CRNN: variants seen among roughly 807,000 people sequenced by gnomAD.
CRNN encodes the protein cornulin.
A neutral mutation model predicts 44.7 loss-of-function variants in CRNN; 39 were observed. The observed-to-expected ratio is 0.87, with a 90% CI of 0.68 to 1.14. The LOEUF (loss-of-function observed/expected upper bound fraction) is 1.14, where lower values mean the gene tolerates loss of function less well. Ranked by LOEUF, CRNN falls within the 50% of genes most tolerant of loss-of-function variation. CRNN has a pLI of 0.00. For synonymous variants in CRNN, 240 were observed against 231.8 expected, an observed-to-expected ratio of 1.04 and a Z score of -0.32; for missense variants, 606 against 605.1, an observed-to-expected ratio of 1.00 and a Z score of -0.02.
chr1:152,413,544 A>G (rs1655829949), intron 1 of CRNN, among the ~76,000 whole-genome samples: 1 of 152,254 alleles, frequency 6.6e-6, no homozygotes, highest in African/African-American at 2.4e-5. Context: ...TCAGTAAGTC[A>G]TAGCAAAAGG....
chr1:152,411,367 G>A (rs1369127818), intron 2 of CRNN, among the ~76,000 whole-genome samples: 1 of 152,134 alleles, frequency 6.6e-6, no homozygotes, highest in Non-Finnish European at 1.5e-5. Flanking sequence ...AATTCTGTGC[G>A]CTCCTCATTG....
Position 152,409,466 on chromosome 1 carries a change from G to A in CRNN, c.*128C>T, listed in dbSNP as rs1655679168. ...TTGCAGAAATTATCTCATTGAGAAA[G>A]ACCTAAAAGGGAAGCTGCATAATGA... On this transcript the variant is annotated 3_prime_UTR_variant, in exon 3 of 3. Coordinates refer to ENST00000271835, the MANE Select transcript of CRNN (RefSeq NM_016190.3). The A allele has an allele frequency of 6.8e-7, 1 of 1,465,790 alleles. No homozygotes were observed. Among genetic ancestry groups the A allele is most frequent in the African/African-American group, 1.4e-5 (1 of 70,810 alleles). The allele number at this position is 1,465,790 out of a possible 1,614,324, so 90.8% of individuals were successfully genotyped here.
intron 1 of CRNN, among the ~76,000 whole-genome samples, chr1:152,413,609 A>G (rs1655830768): frequency 6.6e-6 from 1 of 152,236 alleles, no homozygotes; most frequent in Non-Finnish European, 1.5e-5. Flanking sequence ...ATTTCAGGCA[A>G]ACTTTTCATC....
chr1:152,412,898 G>A (rs1253320193), intron 1 of CRNN, among the ~76,000 whole-genome samples: 6 of 152,058 alleles, frequency 3.9e-5, no homozygotes, highest in South Asian at 2.1e-4. Flanking sequence ...GGGTGTTAGG[G>A]TCCCATCGGG....
In CRNN at chr1:152,409,560, C is replaced by T. The variant is rs1351301528; in HGVS notation, c.*34G>A. 1 of 1,577,716 alleles carries T rather than the reference C, an allele frequency of 6.3e-7. No individual in the cohort carries two copies. The highest frequency in any genetic ancestry group is 1.3e-5 in the African/African-American group (1 of 74,598). On this transcript the variant is annotated 3_prime_UTR_variant, in exon 3 of 3. Transcript: ENST00000271835. ...GACAAGCCAAACTCTCTCCAGCTGT[C>T]TTCTTCCAGTACTGGACATTGGAGT... is the stretch of plus-strand genomic sequence containing the variant.
intron 1 of CRNN, 24 bp from the exon 2 acceptor site, chr1:152,412,270 T>G: frequency 6.3e-7 from 1 of 1,590,178 alleles, no homozygotes; most frequent in Non-Finnish European, 8.6e-7. Context: ...AAAGTTCCCT[T>G]GGAGGCTCCA....
intron 2 of CRNN, 127 bp from the exon 3 acceptor site, chr1:152,411,070 A>T: frequency 7.1e-7 from 1 of 1,410,288 alleles, no homozygotes; most frequent in Non-Finnish European, 9.2e-7. Flanking sequence ...CTAGAGCAGC[A>T]GCAAGACTTA....
rs753763068 is a variant in CRNN, at chr1:152,410,137, G to A, written c.945C>T (p.Thr315=). 1 of 1,601,680 alleles carries A rather than the reference G, an allele frequency of 6.2e-7. No homozygotes were observed. Among genetic ancestry groups the A allele is most frequent in the Non-Finnish European group, 8.5e-7 (1 of 1,176,224 alleles). Residue 315 remains threonine (T), a synonymous_variant, in exon 3 of 3, where the codon ACC becomes ACT. Coordinates refer to ENST00000271835, the MANE Select transcript of CRNN (RefSeq NM_016190.3). The part of the protein sequence containing the change: ...DSSHQTGSTS[T]QTQESTNGQN... Reference sequence around the variant, plus strand: ...GGCCATTGGTGGACTCCTGTGTCTGGGTGCTGGTGCTTCCTGTCTGGTGGC... The same window carrying A: ...GGCCATTGGTGGACTCCTGTGTCTGAGTGCTGGTGCTTCCTGTCTGGTGGC...
chr1:152,412,151 A>G lies in CRNN; in HGVS notation c.83T>C (p.Leu28Pro). 6.2e-7 allele frequency: 1 copy of G among 1,613,562 alleles called. No homozygotes were observed. The highest frequency in any genetic ancestry group is 8.5e-7 in the Non-Finnish European group (1 of 1,179,570). ...GAGTCTTTTCAGCTCCCCTCGGGTGAGCGCTGTGCAGTTGCCCTCCGTCCT... is the reference window on the plus strand; with the variant it reads ...GAGTCTTTTCAGCTCCCCTCGGGTGGGCGCTGTGCAGTTGCCCTCCGTCCT... ...YARTEGNCTALTRGELKRLLE... is the reference protein window; with the variant it reads ...YARTEGNCTAPTRGELKRLLE... The change falls in exon 2 of 3, where the codon CTC (leucine) becomes CCC (proline). Residue 28 changes from leucine to proline, a missense_variant. By Grantham distance (98) the Leu-to-Pro change is moderately conservative. Coordinates refer to ENST00000271835, the MANE Select transcript of CRNN (RefSeq NM_016190.3).
At chr1:152,412,891 T>C (rs1655812461) in intron 1 of CRNN, among the ~76,000 whole-genome samples, 3 of 152,070 alleles carry the variant, frequency 2.0e-5, no homozygotes. Context: ...ATCACAAGGG[T>C]GTTAGGGTCC....
intron 1 of CRNN, among the ~76,000 whole-genome samples, chr1:152,413,670 C>CT (rs943219097): frequency 1.4e-4 from 21 of 151,720 alleles, no homozygotes; most frequent in African/African-American, 3.6e-4. Context: ...AAATATCTTT[C>CT]TTTTTTTTTA....
At position 152,409,858 on chromosome 1, in the gene CRNN, T is replaced by A. The variant is rs1328560069; in HGVS notation, c.1224A>T (p.Ala408=). The change falls in exon 3 of 3, where the codon GCA becomes GCT. Residue 408 remains alanine (A), a synonymous_variant. Coordinates refer to ENST00000271835, the MANE Select transcript of CRNN (RefSeq NM_016190.3). ...TVPGGQAQTG[A]STESGRQEWS... ...ACTCCTGCCTTCCTGACTCAGTGCT[T>A]GCCCCAGTCTGGGCCTGTCCTCCCG... 1 of 1,614,218 alleles carries A rather than the reference T, an allele frequency of 6.2e-7. No homozygotes were observed. The highest frequency in any genetic ancestry group is 8.5e-7 in the Non-Finnish European group (1 of 1,180,032).
At chr1:152,413,839 A>G (rs1335705165) in intron 1 of CRNN, among the ~76,000 whole-genome samples, 1 of 152,258 alleles carries the variant, frequency 6.6e-6, no homozygotes, top group Admixed American at 6.5e-5. Flanking sequence ...TTCATCCATG[A>G]CACAGTTTGA....
At chr1:152,412,906 G>A (rs956865884) in intron 1 of CRNN, among the ~76,000 whole-genome samples, 5 of 152,078 alleles carry the variant, frequency 3.3e-5, no homozygotes, top group African/African-American at 7.2e-5. Context: ...GGGTCCCATC[G>A]GGAACACCAA....
In CRNN at chr1:152,410,078, C is replaced by T; in HGVS notation, c.1004G>A (p.Arg335Lys). The change falls in exon 3 of 3, where the codon AGG becomes AAG. Residue 335 changes from arginine (R) to lysine (K), a missense_variant. Physicochemically the swap from Arg to Lys is conservative, Grantham distance 26. Coordinates refer to ENST00000271835, the MANE Select transcript of CRNN (RefSeq NM_016190.3). ...NRGTEIHGQG[R>K]SQTSQAVTGG... ...TGTCACAGCCTGGCTGGTCTGGCTC[C>T]TGCCTTGACCGTGGATCTCAGTCCC... 6 of 1,614,052 alleles carry T rather than the reference C, an allele frequency of 3.7e-6. No individual in the cohort carries two copies. The highest frequency in any genetic ancestry group is 5.1e-6 in the Non-Finnish European group (6 of 1,180,002).
In CRNN at chr1:152,410,869, G is replaced by T. The variant is rs752894239; in HGVS notation, c.213C>A (p.Phe71Leu). 4 of 1,614,182 alleles carry T rather than the reference G, an allele frequency of 2.5e-6. No homozygotes were observed. The highest frequency in any genetic ancestry group is 3.4e-6 in the Non-Finnish European group (4 of 1,180,020). Residue 71 changes from phenylalanine (F) to leucine (L), a missense_variant, in exon 3 of 3, where the codon TTC becomes TTA. Transcript: ENST00000271835. ...TAAACACTAAGACCAGGAATTCCTT[G>T]AATTCCACAGTCCCTGTGTGGTCTT... ...LDEDHTGTVE[F>L]KEFLVLVFKV... is the part of the protein sequence containing the mutation.
In CRNN at chr1:152,410,288, T is replaced by C. The variant is rs1203717706; in HGVS notation, c.794A>G (p.Asn265Ser). ...KQTQEATNDQNRGTETHGQGR... is the reference protein window; with the variant it reads ...KQTQEATNDQSRGTETHGQGR... The stretch of plus-strand genomic sequence containing the variant: ...TTGACCGTGGGTCTCAGTCCCTCTG[T>C]TCTGGTCATTGGTGGCCTCCTGTGT... Residue 265 changes from asparagine (N) to serine (S), a missense_variant, in exon 3 of 3, where the codon AAC becomes AGC. Physicochemically the swap from Asn to Ser is conservative, Grantham distance 46 (BLOSUM62 1). Coordinates refer to ENST00000271835, the MANE Select transcript of CRNN (RefSeq NM_016190.3). 6.2e-7 allele frequency: 1 copy of C among 1,613,786 alleles called. No individual in the cohort carries two copies. Among genetic ancestry groups the C allele is most frequent in the East Asian group, 2.2e-5 (1 of 44,838 alleles).
chr1:152,410,136 GGGTGCT>G lies in CRNN; in HGVS notation c.940_945del (p.Ser314_Thr315del). 1 of 1,613,350 alleles carries G rather than the reference GGGTGCT, an allele frequency of 6.2e-7. No individual in the cohort carries two copies. Among genetic ancestry groups the G allele is most frequent in the South Asian group, 1.1e-5 (1 of 90,968 alleles). The stretch of plus-strand genomic sequence containing the variant: ...TGGCCATTGGTGGACTCCTGTGTCT[GGGTGCT>G]GGTGCTTCCTGTCTGGTGGCTGCTG... On this transcript the variant is annotated inframe_deletion, in exon 3 of 3. Coordinates refer to ENST00000271835, the MANE Select transcript of CRNN (RefSeq NM_016190.3).
rs1288789054 is a variant in CRNN at position 152,409,810 on chromosome 1, G to A, written c.1272C>T (p.Arg424=). ...TGTCTCCCTGCCCTTCTGTCACACA[G>A]CGCCTTGGGTGAGTGCTGCTCCACT... ...RQEWSSTHPR[R]CVTEGQGDRQ... Residue 424 remains arginine, a synonymous_variant, in exon 3 of 3, where the codon CGC becomes CGT. Transcript: ENST00000271835. The A allele has an allele frequency of 6.2e-7, 1 of 1,614,190 alleles. No individual in the cohort carries two copies. Among genetic ancestry groups the A allele is most frequent in the Admixed American group, 1.7e-5 (1 of 60,030 alleles).
Sources: gnomAD v4.1 joint callset for allele counts (sites outside exome capture counted in the v4.1 genomes callset) on GRCh38, gnomAD v4.1.1 for gene constraint, MANE v1.5 for transcripts, NCBI Gene and HGNC (gene_info 2026-07-23, HGNC 2026-07-21) for gene names.